The following ICA1 variants were observed in gnomAD, a reference collection of about 807,000 sequenced individuals.
ICA1 encodes 69 kDa islet cell autoantigen.
In ICA1, 40 loss-of-function variants were observed where a neutral mutation model predicts 71.0. The observed-to-expected ratio is 0.56, with a 90% CI of 0.44 to 0.73. The LOEUF (loss-of-function observed/expected upper bound fraction) is 0.73, where lower values mean the gene tolerates loss of function less well. Among genes scored for constraint, ICA1 ranks in the 30% least tolerant of loss-of-function variants. The probability of loss-of-function intolerance (pLI) is 0.00; values close to 1 mark genes in which losing one functional copy is unlikely to be tolerated. For missense variants in ICA1, 578 were observed against 576.5 expected, an observed-to-expected ratio of 1.00 and a Z score of -0.03; for synonymous variants, 207 against 209.5, an observed-to-expected ratio of 0.99 and a Z score of 0.10.
intron 8 of ICA1, among the ~76,000 whole-genome samples, chr7:8,148,390 A>C (rs1797762558): frequency 6.6e-6 from 1 of 152,078 alleles, no homozygotes; most frequent in East Asian, 1.9e-4. Context: ...TTGGGTAAAG[A>C]ATTACCTTAC....
intron 13 of ICA1, among the ~76,000 whole-genome samples, chr7:8,119,131 C>T (rs975508734): frequency 1.3e-5 from 2 of 152,186 alleles, no homozygotes; most frequent in African/African-American, 4.8e-5. Flanking sequence ...CACTTCAGGA[C>T]CCCACACTCC....
intron 4 of ICA1, among the ~76,000 whole-genome samples, chr7:8,227,241 G>A (rs1798858675): frequency 1.3e-5 from 2 of 152,188 alleles, no homozygotes; most frequent in Admixed American, 6.5e-5. Flanking sequence ...TTGATTGAAA[G>A]CAGTGCAGAC....
chr7:8,252,219 G>A (rs1563211957), intron 1 of ICA1, among the ~76,000 whole-genome samples: 1 of 152,168 alleles, frequency 6.6e-6, no homozygotes, highest in South Asian at 2.1e-4. Flanking sequence ...TTATGGTGGT[G>A]TTTTCTCTAA....
chr7:8,219,714 T>C (rs1435864627), intron 5 of ICA1, among the ~76,000 whole-genome samples: 2 of 152,222 alleles, frequency 1.3e-5, no homozygotes, highest in South Asian at 2.1e-4. Context: ...ATAGAATATA[T>C]GGCTGTTGCA....
chr7:8,216,092 A>T (rs1031282804), intron 6 of ICA1, among the ~76,000 whole-genome samples: 1 of 152,234 alleles, frequency 6.6e-6, no homozygotes, highest in Non-Finnish European at 1.5e-5. Flanking sequence ...GCAAAACCAC[A>T]TAAGTCAATT....
chr7:8,155,093 A>C (rs1269769472), intron 8 of ICA1, among the ~76,000 whole-genome samples: 1 of 152,206 alleles, frequency 6.6e-6, no homozygotes, highest in Non-Finnish European at 1.5e-5. Flanking sequence ...CATTCTAGAG[A>C]GGTAACAAAA....
intron 6 of ICA1, among the ~76,000 whole-genome samples, chr7:8,183,071 G>A (rs1782711866): frequency 6.6e-6 from 1 of 152,144 alleles, no homozygotes; most frequent in Non-Finnish European, 1.5e-5. Flanking sequence ...CAGAATAACA[G>A]ACAAGAAATA....
chr7:8,229,904 T>C (rs925281477), intron 3 of ICA1, among the ~76,000 whole-genome samples: 21 of 152,172 alleles, frequency 1.4e-4, no homozygotes, highest in Admixed American at 1.4e-3. Flanking sequence ...CACTAACACA[T>C]AGTATTTCCT....
chr7:8,122,207 T>C (rs1393504350), intron 13 of ICA1, among the ~76,000 whole-genome samples: 1 of 151,912 alleles, frequency 6.6e-6, no homozygotes, highest in African/African-American at 2.4e-5. Flanking sequence ...TGGAGTCGGG[T>C]GTACTGATAG....
chr7:8,138,849 C>T lies in ICA1; in HGVS notation c.1051G>A (p.Glu351Lys). Residue 351 changes from glutamate to lysine, a missense_variant, in exon 12 of 14, where the codon GAG (glutamate) becomes AAG (lysine). Transcript: ENST00000402384. Reference sequence around the variant, plus strand: ...AACACATAAATCTTACCACCTTCCTCAGATTTCATGTCTAATAGTTCATCT... The same window carrying T: ...AACACATAAATCTTACCACCTTCCTTAGATTTCATGTCTAATAGTTCATCT... ...PIDELLDMKSEEGACLGPVAG... is the reference protein window; with the variant it reads ...PIDELLDMKSKEGACLGPVAG... The T allele has an allele frequency of 6.2e-7, 1 of 1,603,440 alleles. No individual in the cohort carries two copies. The highest frequency in any genetic ancestry group is 1.3e-5 in the African/African-American group (1 of 74,800).
In ICA1 at chr7:8,238,155, C is replaced by T. The variant is rs79215817; in HGVS notation, c.-79-2150G>A. On this transcript the variant is annotated intron_variant, in intron 1 of 13. Coordinates refer to ENST00000402384, the MANE Select transcript of ICA1 (RefSeq NM_001136020.3). ...AGATCCTGTATTCAATTCTTTTGCA[C>T]AAATACACAGAATTTGGACTGCTGG... 3.1e-4 allele frequency among the ~76,000 whole-genome samples: 47 copies of T among 152,246 alleles called. No homozygotes were observed. In the East Asian group the frequency reaches 7.9e-3, roughly 26 times the overall value.
At chr7:8,150,475 T>C (rs1185359647) in intron 8 of ICA1, among the ~76,000 whole-genome samples, 1 of 152,270 alleles carries the variant, frequency 6.6e-6, no homozygotes, top group East Asian at 1.9e-4. Context: ...CTTGTATTCC[T>C]GCTTTCCTGA....
intron 6 of ICA1, among the ~76,000 whole-genome samples, chr7:8,184,103 T>C (rs1307236269): frequency 6.6e-6 from 1 of 152,248 alleles, no homozygotes; most frequent in African/African-American, 2.4e-5. Context: ...ATCTTCTGCA[T>C]ACAGAAATCA....
intron 2 of ICA1, among the ~76,000 whole-genome samples, chr7:8,233,750 T>A (rs758145844): frequency 7.2e-5 from 11 of 152,162 alleles, no homozygotes; most frequent in Non-Finnish European, 1.5e-4. Context: ...TTAAGACGGT[T>A]GACTTCATGT....
intron 8 of ICA1, among the ~76,000 whole-genome samples, chr7:8,150,813 T>A (rs1179311063): frequency 2.6e-5 from 4 of 152,210 alleles, no homozygotes; most frequent in Non-Finnish European, 5.9e-5. Flanking sequence ...TTTTTAAAGG[T>A]GGCACTTCTG....
At chr7:8,189,724 G>T (rs1417507793) in intron 6 of ICA1, among the ~76,000 whole-genome samples, 3 of 151,876 alleles carry the variant, frequency 2.0e-5, no homozygotes, top group Non-Finnish European at 2.9e-5. Flanking sequence ...AGCTGGCTCT[G>T]CAAGGGGGGT....
chr7:8,162,366 T>C (rs901097893), intron 6 of ICA1, among the ~76,000 whole-genome samples: 1 of 152,244 alleles, frequency 6.6e-6, no homozygotes, highest in Non-Finnish European at 1.5e-5. Context: ...AGTTTCCAAA[T>C]GCTGAGCCCT....
intron 3 of ICA1, among the ~76,000 whole-genome samples, chr7:8,230,120 C>T (rs1377561518): frequency 6.6e-6 from 1 of 152,240 alleles, no homozygotes; most frequent in Non-Finnish European, 1.5e-5. Context: ...AATCAGTCCA[C>T]TCTGCTGTGG....
At chr7:8,124,585 T>C (rs550389017) in intron 13 of ICA1, among the ~76,000 whole-genome samples, 1 of 152,260 alleles carries the variant, frequency 6.6e-6, no homozygotes, top group African/African-American at 2.4e-5. Flanking sequence ...CATCCTTCAT[T>C]TGTAACAAAC....
Sources: allele counts gnomAD v4.1 joint callset (sites outside exome capture counted in the v4.1 genomes callset), GRCh38; gene constraint gnomAD v4.1.1; transcripts MANE v1.5; gene names NCBI Gene and HGNC (gene_info 2026-07-23, HGNC 2026-07-21).